PCDHGA8: variants seen among roughly 807,000 people sequenced by gnomAD.
The protein encoded by PCDHGA8 is protocadherin gamma-A8.
In PCDHGA8, 45 loss-of-function variants were observed where a neutral mutation model predicts 59.2. That is an observed-to-expected ratio of 0.76 (90% confidence interval 0.60 to 0.98). The LOEUF (loss-of-function observed/expected upper bound fraction) is 0.98. Ranked by LOEUF, PCDHGA8 falls within the 50% of genes least tolerant of loss-of-function variation. The pLI is 0.00. For missense variants in PCDHGA8, 1,257 were observed against 1,196.2 expected, an observed-to-expected ratio of 1.05 and a Z score of -0.75; for synonymous variants, 531 against 519.0, an observed-to-expected ratio of 1.02 and a Z score of -0.32.
In PCDHGA8 at chr5:141,422,843, G is replaced by C. The variant is rs778670588; in HGVS notation, c.2424+27606G>C. 1.9e-6 allele frequency: 3 copies of C among 1,614,234 alleles called. No homozygotes were observed. In the East Asian group the frequency reaches 6.7e-5, roughly 36 times the overall value. ...CTGAGAGTGATAGCACGTGACAGCG[G>C]GGACCCGCCCCTCAGCAGCAACGTG... is the stretch of plus-strand genomic sequence containing the variant. On this transcript the variant is annotated intron_variant, in intron 1 of 3. Coordinates refer to ENST00000398604, the MANE Select transcript of PCDHGA8 (RefSeq NM_032088.2).
chr5:141,475,550 T>G (rs2099365082), intron 1 of PCDHGA8, among the ~76,000 whole-genome samples: 1 of 152,246 alleles, frequency 6.6e-6, no homozygotes, highest in Non-Finnish European at 1.5e-5. Flanking sequence ...AGGGTCCGGC[T>G]AATTGTCTGT....
intron 2 of PCDHGA8, among the ~76,000 whole-genome samples, chr5:141,505,113 G>A (rs1254889990): frequency 6.6e-6 from 1 of 152,178 alleles, no homozygotes; most frequent in East Asian, 1.9e-4. Context: ...AATGAGCCAA[G>A]ATCGCGCCAC....
intron 1 of PCDHGA8, among the ~76,000 whole-genome samples, chr5:141,459,176 T>C (rs2098962762): frequency 6.6e-6 from 1 of 152,210 alleles, no homozygotes. Context: ...CTTCAAAAGT[T>C]CCCTCATGCC....
Position 141,477,876 on chromosome 5 carries a change from G to A in PCDHGA8, c.2425-16931G>A, listed in dbSNP as rs1412801533. The A allele has an allele frequency of 4.3e-6, 7 of 1,614,144 alleles. No individual in the cohort carries two copies. Among genetic ancestry groups the A allele is most frequent in the Non-Finnish European group, 5.9e-6 (7 of 1,180,030 alleles). ...ATGCTGCCTCGAGGTACCTCAGCTG[G>A]CCACCTAGTGTCACGGGTGGTAGGC... On this transcript the variant is annotated intron_variant, in intron 1 of 3. Coordinates refer to ENST00000398604, the MANE Select transcript of PCDHGA8 (RefSeq NM_032088.2). The surrounding 1 kb of genome is among the most constrained non-coding windows in gnomAD (Gnocchi z 4.9).
At chr5:141,483,745 T>C (rs1288301129) in intron 1 of PCDHGA8, among the ~76,000 whole-genome samples, 1 of 152,130 alleles carries the variant, frequency 6.6e-6, no homozygotes, top group Non-Finnish European at 1.5e-5. Flanking sequence ...AGGATATTCC[T>C]GAGGATCGAG....
rs899154780 is a variant in PCDHGA8, at chr5:141,402,932, A to C, written c.2424+7695A>C. ...AGCGCGCACAGAGATCCTTTTGAGAAAATTCCAAAGCGAGGCAGCAATGGC... is the reference window on the plus strand; with the variant it reads ...AGCGCGCACAGAGATCCTTTTGAGACAATTCCAAAGCGAGGCAGCAATGGC... On this transcript the variant is annotated intron_variant, in intron 1 of 3. Coordinates refer to ENST00000398604, the MANE Select transcript of PCDHGA8 (RefSeq NM_032088.2). 3 of 1,584,974 alleles carry C rather than the reference A, an allele frequency of 1.9e-6. No individual in the cohort carries two copies. In the Admixed American group the frequency reaches 5.4e-5, roughly 29 times the overall value.
chr5:141,421,734 G>A (rs761780459), intron 1 of PCDHGA8: 1 of 1,613,948 alleles, frequency 6.2e-7, no homozygotes, highest in Non-Finnish European at 8.5e-7. Flanking sequence ...ACTCCCTCCA[G>A]AGCTACCAGC....
chr5:141,402,994 C>A (rs1253121982), intron 1 of PCDHGA8: 1 of 1,613,722 alleles, frequency 6.2e-7, no homozygotes, highest in Non-Finnish European at 8.5e-7. Context: ...GAAGATTAGT[C>A]CTGCTATGCT....
Position 141,501,335 on chromosome 5 carries a change from C to A in PCDHGA8, c.2484-4058C>A, listed in dbSNP as rs977626682. 1.5e-4 allele frequency among the ~76,000 whole-genome samples: 20 copies of A among 135,718 alleles called. No individual in the cohort carries two copies. In the East Asian group the frequency reaches 2.2e-3, roughly 15 times the overall value. The allele number at this position is 135,718 out of a possible 152,430, so 89.0% of individuals were successfully genotyped here. The stretch of plus-strand genomic sequence containing the variant: ...CACACACACACACACACACACACAC[C>A]CCAAACTCAATAGGGCAAGAACCAT... On this transcript the variant is annotated intron_variant, in intron 2 of 3. Transcript: ENST00000398604.
At chr5:141,422,891 A>G in intron 1 of PCDHGA8, 3 of 1,614,192 alleles carry the variant, frequency 1.9e-6, no homozygotes, top group Non-Finnish European at 2.5e-6. Context: ...TTCGTGCTGG[A>G]CCAGAACGAC....
chr5:141,510,359 T>A (rs1229932307), intron 3 of PCDHGA8, among the ~76,000 whole-genome samples: 3 of 143,318 alleles, frequency 2.1e-5, no homozygotes, highest in African/African-American at 7.7e-5. Flanking sequence ...CTAACGGAAC[T>A]ACCGAATCTC....
chr5:141,433,062 T>G (rs1371087184), intron 1 of PCDHGA8: 1 of 1,614,074 alleles, frequency 6.2e-7, no homozygotes, highest in Non-Finnish European at 8.5e-7. Context: ...AAGAGTCACC[T>G]GATCTTCCCC....
intron 1 of PCDHGA8, chr5:141,413,173 A>G: frequency 6.2e-7 from 1 of 1,600,856 alleles, no homozygotes; most frequent in African/African-American, 1.3e-5. Context: ...TAACCAGACT[A>G]CAATGGCCGC....
At chr5:141,414,919 G>A (rs2095801962) in intron 1 of PCDHGA8, 2 of 1,614,050 alleles carry the variant, frequency 1.2e-6, no homozygotes, top group African/African-American at 2.7e-5. Context: ...CGTGGAGCTG[G>A]CGCCCCGCTC....
intron 1 of PCDHGA8, chr5:141,416,087 G>A (rs1201318552): frequency 1.2e-5 from 2 of 165,800 alleles, no homozygotes; most frequent in East Asian, 3.3e-4. Flanking sequence ...TTCCCAAGGA[G>A]AAGGGCAATA....
rs1185679701 is a variant in PCDHGA8, at chr5:141,511,384, G to A, written c.*211G>A. On this transcript the variant is annotated 3_prime_UTR_variant, in exon 4 of 4. Coordinates refer to ENST00000398604, the MANE Select transcript of PCDHGA8 (RefSeq NM_032088.2). ...TTGAATATGCAAAAGCAGTTCCGCT[G>A]GGAACCCCCATCCAATCAACTGCTG... is the stretch of plus-strand genomic sequence containing the variant. 3.5e-6 allele frequency: 4 copies of A among 1,154,490 alleles called. No homozygotes were observed. Among genetic ancestry groups the A allele is most frequent in the Admixed American group, 2.9e-5 (1 of 34,748 alleles). 71.5% of individuals were successfully genotyped at this position (1,154,490 alleles called of 1,614,324 possible). A position where few individuals can be genotyped will look rare whatever the true frequency, so the allele number is the denominator to read the frequency against.
At position 141,485,880 on chromosome 5, in the gene PCDHGA8, A is replaced by G; in HGVS notation, c.2425-8927A>G. 1 of 1,614,124 alleles carries G rather than the reference A, an allele frequency of 6.2e-7. No individual in the cohort carries two copies. Among genetic ancestry groups the G allele is most frequent in the Non-Finnish European group, 8.5e-7 (1 of 1,180,026 alleles). On this transcript the variant is annotated intron_variant, in intron 1 of 3. Transcript: ENST00000398604. The surrounding 1 kb of genome is among the most constrained non-coding windows in gnomAD (Gnocchi z 5.7). ...CTCCGGGTATCCGTGCTGGACGTAA[A>G]CGACAACGCCCCAGCCTTCCAGCAA... is the stretch of plus-strand genomic sequence containing the variant.
In PCDHGA8 at chr5:141,431,961, A is replaced by C; in HGVS notation, c.2424+36724A>C. Reference sequence around the variant, plus strand: ...AAATTAGAAAAATCTTACGGAAATTACTATAGTTTAGTCACAGACATAGTC... The same window carrying C: ...AAATTAGAAAAATCTTACGGAAATTCCTATAGTTTAGTCACAGACATAGTC... On this transcript the variant is annotated intron_variant, in intron 1 of 3. Transcript: ENST00000398604. The surrounding 1 kb of genome is among the most constrained non-coding windows in gnomAD (Gnocchi z 4.8). 1 of 1,614,206 alleles carries C rather than the reference A, an allele frequency of 6.2e-7. No homozygotes were observed.
Position 141,420,177 on chromosome 5 carries a change from A to G in PCDHGA8, c.2424+24940A>G, listed in dbSNP as rs1188698450. The G allele has an allele frequency of 2.5e-6, 4 of 1,613,992 alleles. No homozygotes were observed. Among genetic ancestry groups the G allele is most frequent in the South Asian group, 2.2e-5 (2 of 91,086 alleles). ...TTTAATTTTTTCACATCTGTTGATC[A>G]TTGTCCAGCCACACAAGATAACCTC... On this transcript the variant is annotated intron_variant, in intron 1 of 3. Coordinates refer to ENST00000398604, the MANE Select transcript of PCDHGA8 (RefSeq NM_032088.2).
Sources: gnomAD v4.1 joint callset for allele counts (sites outside exome capture counted in the v4.1 genomes callset) on GRCh38, gnomAD v4.1.1 for gene constraint, Gnocchi (gnomAD v3.1) non-coding constraint, MANE v1.5 for transcripts, NCBI Gene and HGNC (gene_info 2026-07-23, HGNC 2026-07-21) for gene names.